The following KEL variants were observed in gnomAD, a reference collection of about 807,000 sequenced individuals.
The protein encoded by KEL is kell blood group glycoprotein.
A neutral mutation model predicts 99.5 loss-of-function variants in KEL; 96 were observed. That is an observed-to-expected ratio of 0.97 (90% CI 0.82 to 1.14). The LOEUF (loss-of-function observed/expected upper bound fraction) is 1.14. KEL is among the 50% of genes most tolerant of loss of function. The probability of loss-of-function intolerance (pLI) is 0.00; values close to 1 mark genes in which losing one functional copy is unlikely to be tolerated. For missense variants in KEL, 926 were observed against 924.2 expected, an observed-to-expected ratio of 1.00 and a Z score of -0.03; for synonymous variants, 355 against 354.8, an observed-to-expected ratio of 1.00 and a Z score of -0.01.
Position 142,942,419 on chromosome 7 carries a change from G to T in KEL, c.2037+15C>A, listed in dbSNP as rs1170063680. 7.7e-6 allele frequency: 12 copies of T among 1,560,512 alleles called. No homozygotes were observed. Among genetic ancestry groups the T allele is most frequent in the Non-Finnish European group, 8.7e-6 (10 of 1,148,050 alleles). On this transcript the variant is annotated intron_variant, in intron 18 of 18. Transcript: ENST00000355265. ...GACATAAAGCAAGCTGTGGCGGGAG[G>T]TGGCCGCTGCCTACCTGGGCATAGC... is the stretch of plus-strand genomic sequence containing the variant.
intron 16 of KEL, 67 bp from the exon 17 acceptor site, chr7:142,943,111 T>A (rs1334345191): frequency 6.3e-7 from 1 of 1,591,418 alleles, no homozygotes; most frequent in Non-Finnish European, 8.6e-7. Context: ...TAGGTGAGGA[T>A]GTGGGTGGTA....
intron 11 of KEL, 57 bp from the exon 12 acceptor site, chr7:142,944,798 C>T: frequency 7.4e-7 from 1 of 1,358,030 alleles, no homozygotes; most frequent in African/African-American, 1.4e-5. Context: ...CTCAGCCTGG[C>T]CCTGCCCACA....
chr7:142,954,920 T>C (rs1271516942), intron 6 of KEL, among the ~76,000 whole-genome samples: 1 of 152,170 alleles, frequency 6.6e-6, no homozygotes, highest in East Asian at 1.9e-4. Flanking sequence ...CTTAGGAGTA[T>C]ATTCTTGCAA....
At chr7:142,955,327 A>C (rs1267045433) in intron 6 of KEL, among the ~76,000 whole-genome samples, 1 of 152,162 alleles carries the variant, frequency 6.6e-6, no homozygotes, top group African/African-American at 2.4e-5. Flanking sequence ...GAAAAGAATC[A>C]TGATGTGTTC....
rs1271926761 is a variant in KEL, at chr7:142,942,643, TA to T, written c.1942-115del. 65 of 890,184 alleles carry T rather than the reference TA, an allele frequency of 7.3e-5. 1 individual carries two copies. The East Asian group carries it at 1.0e-3, about 14-fold the overall frequency. The allele number at this position is 890,184 out of a possible 1,614,324, so 55.1% of individuals were successfully genotyped here. A position where few individuals can be genotyped will look rare whatever the true frequency, so the allele number is the denominator to read the frequency against. On this transcript the variant is annotated intron_variant, in intron 17 of 18. Transcript: ENST00000355265. The stretch of plus-strand genomic sequence containing the variant: ...CCTTGCTCACTGGTTCTGCACTGAC[TA>T]GTTGATCTGAGCCAGAAGAAAGAGT...
chr7:142,947,138 G>T (rs950150860), intron 10 of KEL, among the ~76,000 whole-genome samples: 3 of 152,174 alleles, frequency 2.0e-5, no homozygotes, highest in African/African-American at 7.2e-5. Context: ...GAGATGACAC[G>T]GTAAATGGAG....
chr7:142,943,483 T>C lies in KEL; in HGVS notation c.1703+3A>G. 6.2e-7 allele frequency: 1 copy of C among 1,611,928 alleles called. No homozygotes were observed. Among genetic ancestry groups the C allele is most frequent in the East Asian group, 2.2e-5 (1 of 44,870 alleles). ...CTACCTACCCTTACAGAGTGACCCA[T>C]ACCTGGGATAGCCAGGGTGGAAGAA... On this transcript the variant is annotated splice_donor_region_variant and intron_variant, in intron 15 of 18. Coordinates refer to ENST00000355265, the MANE Select transcript of KEL (RefSeq NM_000420.3).
At position 142,944,341 on chromosome 7, in the gene KEL, G is replaced by A; in HGVS notation, c.1473C>T (p.Ala491=). ...ASEWALKPEL[A]RQEYNDIQLG... ...GACCCACATCGTTGTATTCTTGTCG[G>A]GCCAGCTCTGGCTTCAGGGCCCATT... Residue 491 remains alanine (A), a synonymous_variant, in exon 13 of 19, where the codon GCC becomes GCT. Coordinates refer to ENST00000355265, the MANE Select transcript of KEL (RefSeq NM_000420.3). The A allele has an allele frequency of 6.2e-7, 1 of 1,613,914 alleles. No individual in the cohort carries two copies. The highest frequency in any genetic ancestry group is 8.5e-7 in the Non-Finnish European group (1 of 1,179,842).
chr7:142,950,698 G>T (rs886812230), intron 10 of KEL, among the ~76,000 whole-genome samples: 2 of 152,248 alleles, frequency 1.3e-5, no homozygotes, highest in Non-Finnish European at 2.9e-5. Context: ...TACAGGGACA[G>T]AGTTGAGTAG....
rs563094452 is a variant in KEL at position 142,962,263 on chromosome 7, G to A, written c.-57C>T. 3.3e-5 allele frequency: 53 copies of A among 1,605,206 alleles called. No individual in the cohort carries two copies. The highest frequency in any genetic ancestry group is 1.7e-4 in the Middle Eastern group (1 of 6,044). Reference sequence around the variant, plus strand: ...CTGGTTCCACTCTAGGAGCTGATTCGGAGGACTGGGGTCCAGGAAACACCC... The same window carrying A: ...CTGGTTCCACTCTAGGAGCTGATTCAGAGGACTGGGGTCCAGGAAACACCC... On this transcript the variant is annotated 5_prime_UTR_variant, in exon 1 of 19. Coordinates refer to ENST00000355265, the MANE Select transcript of KEL (RefSeq NM_000420.3).
chr7:142,950,481 G>A (rs573029887), intron 10 of KEL, among the ~76,000 whole-genome samples: 1 of 152,284 alleles, frequency 6.6e-6, no homozygotes, highest in Admixed American at 6.5e-5. Flanking sequence ...CTCCTGCCCT[G>A]TCCCCATGAG....
intron 1 of KEL, 130 bp from the exon 2 acceptor site, chr7:142,962,002 G>A (rs1368953067): frequency 6.2e-7 from 1 of 1,609,830 alleles, no homozygotes; most frequent in African/African-American, 1.3e-5. Flanking sequence ...TTTTATCTCG[G>A]AGCAGTGTTC....
At chr7:142,945,249 A>G (rs1178098258) in intron 11 of KEL, among the ~76,000 whole-genome samples, 3 of 152,158 alleles carry the variant, frequency 2.0e-5, no homozygotes, top group African/African-American at 7.2e-5. Context: ...GCCACCTGCC[A>G]TCTCATGTAA....
intron 18 of KEL, among the ~76,000 whole-genome samples, 178 bp from the exon 19 acceptor site, chr7:142,941,591 G>A (rs1796356555): frequency 6.6e-6 from 1 of 152,152 alleles, no homozygotes; most frequent in African/African-American, 2.4e-5. Context: ...AGTCCAGGAG[G>A]AGGGCCTGGG....
Position 142,944,741 on chromosome 7 carries a change from C to T in KEL, c.1315G>A (p.Ala439Thr), listed in dbSNP as rs771893157. ...EAFGPSTRSA[A>T]MKLFTAIRDA... is the part of the protein sequence containing the mutation. ...CGGATCGCAGTGAATAATTTCATGG[C>T]CTGTGGGAGTGAGGTCCAGGGACAG... The change falls in exon 12 of 19, where the codon GCC becomes ACC. Residue 439 changes from alanine to threonine, a missense_variant and splice_region_variant. Coordinates refer to ENST00000355265, the MANE Select transcript of KEL (RefSeq NM_000420.3). 2 of 1,612,718 alleles carry T rather than the reference C, an allele frequency of 1.2e-6. No homozygotes were observed. The highest frequency in any genetic ancestry group is 1.1e-5 in the South Asian group (1 of 90,994).
Position 142,953,846 on chromosome 7 carries a change from G to GT in KEL, c.1034dup (p.Asn345LysfsTer85). ...GCATCTCCTCCACCAGTTGTGACAT[G>GT]TTTTTCAAATATTCCACGTCATGGA... On this transcript the variant is annotated frameshift_variant, in exon 9 of 19. Transcript: ENST00000355265. LOFTEE classifies it high-confidence loss of function. 6.2e-7 allele frequency: 1 copy of GT among 1,614,202 alleles called. No homozygotes were observed. The highest frequency in any genetic ancestry group is 1.1e-5 in the South Asian group (1 of 91,088).
chr7:142,944,204 G>C, intron 13 of KEL, 119 bp downstream of exon 13: 1 of 850,736 alleles, frequency 1.2e-6, no homozygotes. Context: ...GCCAGCACCA[G>C]AGTAAGGACA....
chr7:142,957,753 T>C, intron 6 of KEL, 74 bp downstream of exon 6: 1 of 1,582,988 alleles, frequency 6.3e-7, no homozygotes, highest in Non-Finnish European at 8.7e-7. Context: ...ACCTGCAACC[T>C]TCCTCTAAGG....
In KEL at chr7:142,942,537, G is replaced by A. The variant is rs1295501736; in HGVS notation, c.1942-8C>T. ...CAGCCTCTTGCTGTATGCCTGGGTAGGGGTGGGTAGAGAAGGGCCATCAGG... is the reference window on the plus strand; with the variant it reads ...CAGCCTCTTGCTGTATGCCTGGGTAAGGGTGGGTAGAGAAGGGCCATCAGG... On this transcript the variant is annotated splice_polypyrimidine_tract_variant and splice_region_variant and intron_variant, in intron 17 of 18. Transcript: ENST00000355265. 6.3e-7 allele frequency: 1 copy of A among 1,595,422 alleles called. No individual in the cohort carries two copies. Among genetic ancestry groups the A allele is most frequent in the Admixed American group, 1.7e-5 (1 of 57,986 alleles).
Sources: allele counts gnomAD v4.1 joint callset (sites outside exome capture counted in the v4.1 genomes callset), GRCh38; gene constraint gnomAD v4.1.1; transcripts MANE v1.5; gene names NCBI Gene and HGNC (gene_info 2026-07-23, HGNC 2026-07-21).